PGAP4: variants seen among roughly 807,000 people sequenced by gnomAD.
The protein encoded by PGAP4 is GPI-N-acetylgalactosamine transferase PGAP4.
In PGAP4, 12 loss-of-function variants were observed where a neutral mutation model predicts 28.2. The observed-to-expected ratio is 0.42, with a 90% confidence interval of 0.27 to 0.69. The LOEUF is 0.69. PGAP4 is among the 30% of genes least tolerant of loss of function. The pLI, the probability that PGAP4 is intolerant of heterozygous loss-of-function variation, is 0.22. For missense variants in PGAP4, 425 were observed against 513.5 expected (o/e 0.83, Z 1.67); for synonymous variants, 205 against 211.8 (o/e 0.97, Z 0.28).
At chr9:101,525,268 T>A (rs1035453852) in intron 2 of PGAP4, among the ~76,000 whole-genome samples, 1 of 152,212 alleles carries the variant, frequency 6.6e-6, no homozygotes, top group African/African-American at 2.4e-5. Context: ...ACCCCCTTCA[T>A]ATTTATTTAC....
intron 1 of PGAP4, among the ~76,000 whole-genome samples, chr9:101,480,132 AT>A (rs1017619357): frequency 2.0e-5 from 3 of 151,998 alleles, no homozygotes; most frequent in Admixed American, 6.6e-5. Context: ...GAGTATGGAA[AT>A]TTTTTTTAGA....
At chr9:101,500,980 G>A (rs56357103) in intron 2 of PGAP4, among the ~76,000 whole-genome samples, 48,925 of 151,876 alleles carry the variant, frequency 0.32, 8,035 homozygotes, top group East Asian at 0.43. Flanking sequence ...TGTATAGACT[G>A]TAAATTTCAA....
At chr9:101,519,626 T>C (rs142918687) in intron 2 of PGAP4, among the ~76,000 whole-genome samples, 77 of 150,410 alleles carry the variant, frequency 5.1e-4, no homozygotes, top group African/African-American at 1.8e-3. Context: ...ATTTACTATA[T>C]ATATGTATAT....
chr9:101,487,596 C>T (rs1163551065), upstream of PGAP4, among the ~76,000 whole-genome samples: 1 of 152,158 alleles, frequency 6.6e-6, no homozygotes, highest in African/African-American at 2.4e-5. Context: ...AAAGTAACAG[C>T]CTCCTACATT....
chr9:101,485,492 G>C (rs1195761338), intron 1 of PGAP4, among the ~76,000 whole-genome samples: 1 of 152,136 alleles, frequency 6.6e-6, no homozygotes, highest in Non-Finnish European at 1.5e-5. Context: ...ACTTCAATGT[G>C]TAATACACAT....
At position 101,474,986 on chromosome 9, in the gene PGAP4, G is replaced by GCTTTTTTT. The variant is rs148013361; in HGVS notation, c.*894_*895insAAAAAAAG. 2 of 141,536 alleles carry GCTTTTTTT rather than the reference G, an allele frequency of 1.4e-5. No homozygotes were observed. The allele number at this position is 141,536 out of a possible 1,614,324, so 8.8% of individuals were successfully genotyped here. A position where few individuals can be genotyped will look rare whatever the true frequency, so the allele number is the denominator to read the frequency against. On this transcript the variant is annotated 3_prime_UTR_variant, in exon 2 of 2. Transcript: ENST00000374848. ...GTCAGGTCTTCTGACTTCAGTCCAT[G>GCTTTTTTT]ATTTTTTTTTTTTTTTTTCTATAAC...
chr9:101,523,339 T>C (rs1389310616), intron 2 of PGAP4, among the ~76,000 whole-genome samples: 1 of 152,118 alleles, frequency 6.6e-6, no homozygotes, highest in African/African-American at 2.4e-5. Flanking sequence ...AGAACACTGA[T>C]TATTCATTCT....
rs576269572 is a variant in PGAP4, at chr9:101,501,893, G to A, written c.-164-12693C>T. 2.4e-3 allele frequency: 988 copies of A among 414,888 alleles called. 8 individuals are homozygous for A. Among genetic ancestry groups the A allele is most frequent in the Non-Finnish European group, 4.0e-3 (843 of 210,720 alleles). 25.7% of individuals were successfully genotyped at this position (414,888 alleles called of 1,614,324 possible). ...GATGATCTGGTGGAACATGTTTGCG[G>A]CAGAGGCCTCCGATTGGAAAGGAAA... On this transcript the variant is annotated intron_variant, in intron 2 of 3. Coordinates refer to the PGAP4 transcript ENST00000374851.
At chr9:101,497,490 AT>A (rs1400366233) in intron 2 of PGAP4, among the ~76,000 whole-genome samples, 2 of 151,568 alleles carry the variant, frequency 1.3e-5, no homozygotes, top group Non-Finnish European at 3.0e-5. Flanking sequence ...CACAAAGGTC[AT>A]TTTGTTTTAG....
At chr9:101,478,792 C>T (rs1279323040) in intron 1 of PGAP4, among the ~76,000 whole-genome samples, 3 of 152,182 alleles carry the variant, frequency 2.0e-5, no homozygotes, top group Admixed American at 2.0e-4. Context: ...GAACAGATGT[C>T]CCTTCCGCTG....
intron 2 of PGAP4, among the ~76,000 whole-genome samples, chr9:101,519,978 T>C (rs1177594801): frequency 6.6e-6 from 1 of 152,170 alleles, no homozygotes; most frequent in Non-Finnish European, 1.5e-5. Flanking sequence ...GAATAGAGTG[T>C]CCTTTCCCTG....
At chr9:101,510,868 A>G in intron 2 of PGAP4, among the ~76,000 whole-genome samples, 1 of 152,124 alleles carries the variant, frequency 6.6e-6, no homozygotes, top group Non-Finnish European at 1.5e-5. Flanking sequence ...CAATTGAAGT[A>G]CCTCAACTTA....
At chr9:101,482,321 C>A (rs1316123625) in intron 1 of PGAP4, among the ~76,000 whole-genome samples, 1 of 152,240 alleles carries the variant, frequency 6.6e-6, no homozygotes, top group East Asian at 1.9e-4. Context: ...TGGCACGTGC[C>A]TGTAATCCCA....
At chr9:101,530,209 G>A (rs563841338) in intron 2 of PGAP4, among the ~76,000 whole-genome samples, 1 of 152,302 alleles carries the variant, frequency 6.6e-6, no homozygotes, top group South Asian at 2.1e-4. Context: ...TAAGAGTTAG[G>A]GTGAAGACAG....
intron 2 of PGAP4, among the ~76,000 whole-genome samples, chr9:101,498,883 T>C (rs754497412): frequency 3.9e-5 from 6 of 152,144 alleles, no homozygotes; most frequent in Non-Finnish European, 8.8e-5. Flanking sequence ...TTAGAATGTT[T>C]ATTTTTTTCT....
chr9:101,478,205 C>A (rs1312799169), intron 1 of PGAP4, among the ~76,000 whole-genome samples: 2 of 152,122 alleles, frequency 1.3e-5, no homozygotes, highest in Non-Finnish European at 2.9e-5. Flanking sequence ...TAAAATCTAT[C>A]CATGTGTTCA....
chr9:101,488,809 G>A (rs564708971), upstream of PGAP4, among the ~76,000 whole-genome samples: 7 of 152,284 alleles, frequency 4.6e-5, no homozygotes, highest in Non-Finnish European at 8.8e-5. Flanking sequence ...TAGTGCTACT[G>A]TATTAGATAG....
rs1465587269 is a variant in PGAP4, at chr9:101,475,945, T to C, written c.1148A>G (p.Asn383Ser). The C allele has an allele frequency of 6.2e-7, 1 of 1,614,226 alleles. No individual in the cohort carries two copies. Among genetic ancestry groups the C allele is most frequent in the South Asian group, 1.1e-5 (1 of 91,088 alleles). The change falls in exon 2 of 2, where the codon AAC (asparagine) becomes AGC (serine). Residue 383 changes from asparagine to serine, a missense_variant. Transcript: ENST00000374848. Reference protein sequence around the residue: ...KGERAYVVEPNLVKHIGLFSS... With the variant: ...KGERAYVVEPSLVKHIGLFSS... ...GAAGAGCCCGATGTGTTTCACGAGG[T>C]TCGGCTCCACTACATAGGCCCTCTC...
intron 2 of PGAP4, among the ~76,000 whole-genome samples, chr9:101,493,336 C>G (rs531480651): frequency 6.6e-6 from 1 of 151,400 alleles, no homozygotes; most frequent in South Asian, 2.1e-4. Context: ...TCTGATTTTT[C>G]TCTGCCTTTT....
Sources: allele counts gnomAD v4.1 joint callset (sites outside exome capture counted in the v4.1 genomes callset), GRCh38; gene constraint gnomAD v4.1.1; transcripts MANE v1.5; gene names NCBI Gene and HGNC (gene_info 2026-07-23, HGNC 2026-07-21).